The following NCK2 variants were observed in gnomAD, a reference collection of about 807,000 sequenced individuals.
NCK2 encodes cytoplasmic protein NCK2.
In NCK2, 16 loss-of-function variants were observed where a neutral mutation model predicts 33.9. The ratio of observed to expected loss-of-function variants is 0.47; its 90% confidence interval spans 0.32 to 0.72. The LOEUF (loss-of-function observed/expected upper bound fraction) is 0.72. Among genes scored for constraint, NCK2 ranks in the 30% least tolerant of loss-of-function variants. The pLI is 0.03. For synonymous variants in NCK2, 273 were observed against 239.9 expected, an observed-to-expected ratio of 1.14 and a Z score of -1.27; for missense variants, 418 against 537.3, an observed-to-expected ratio of 0.78 and a Z score of 2.19.
At chr2:105,806,405 CTT>C (rs1414768958) in intron 1 of NCK2, among the ~76,000 whole-genome samples, 1 of 151,880 alleles carries the variant, frequency 6.6e-6, no homozygotes, top group Admixed American at 6.6e-5. Flanking sequence ...GTCCGGCTAA[CTT>C]TTTGTATTTT....
chr2:105,882,141 G>A, intron 4 of NCK2, 92 bp downstream of exon 4: 3 of 1,327,722 alleles, frequency 2.3e-6, no homozygotes, highest in Non-Finnish European at 2.9e-6. Context: ...CATTGTGTGA[G>A]TACACTAGAA....
At chr2:105,862,958 C>A (rs961412753) in intron 3 of NCK2, among the ~76,000 whole-genome samples, 1 of 151,708 alleles carries the variant, frequency 6.6e-6, no homozygotes, top group African/African-American at 2.4e-5. Flanking sequence ...CTTTAAGAGG[C>A]CAGAAAGAAT....
intron 1 of NCK2, among the ~76,000 whole-genome samples, chr2:105,782,868 G>A (rs1034602974): frequency 6.6e-5 from 10 of 152,170 alleles, no homozygotes; most frequent in Non-Finnish European, 1.0e-4. Context: ...TGTCCCCAAC[G>A]CTCCCAACTG....
At chr2:105,779,098 T>C (rs1690403094) in intron 1 of NCK2, among the ~76,000 whole-genome samples, 1 of 151,998 alleles carries the variant, frequency 6.6e-6, no homozygotes, top group African/African-American at 2.4e-5. Flanking sequence ...CTTGAGGTCA[T>C]GAGTTTTTGG....
intron 3 of NCK2, among the ~76,000 whole-genome samples, chr2:105,872,276 C>A (rs1037601681): frequency 2.6e-5 from 4 of 152,322 alleles, no homozygotes; most frequent in East Asian, 3.9e-4. Flanking sequence ...CACCCGCTAC[C>A]TTCCCCCCGC....
intron 1 of NCK2, among the ~76,000 whole-genome samples, chr2:105,773,704 T>C (rs1690209933): frequency 6.6e-6 from 1 of 152,078 alleles, no homozygotes; most frequent in Non-Finnish European, 1.5e-5. Flanking sequence ...TCAACAACTA[T>C]TTGAGCACCT....
chr2:105,820,000 C>T (rs1046426129), intron 2 of NCK2, among the ~76,000 whole-genome samples: 9 of 152,200 alleles, frequency 5.9e-5, no homozygotes, highest in Admixed American at 3.3e-4. Flanking sequence ...TGGGACTGTG[C>T]TAACTGCTGT....
At chr2:105,820,969 C>T (rs996705811) in intron 2 of NCK2, among the ~76,000 whole-genome samples, 2 of 152,180 alleles carry the variant, frequency 1.3e-5, no homozygotes, top group Non-Finnish European at 2.9e-5. Context: ...CTACACACAT[C>T]TTTTCCATTT....
At chr2:105,787,610 G>T (rs1338932566) in intron 1 of NCK2, among the ~76,000 whole-genome samples, 2 of 152,138 alleles carry the variant, frequency 1.3e-5, no homozygotes, top group Non-Finnish European at 2.9e-5. Flanking sequence ...GTGGTCTTTT[G>T]TTAGGGCTGC....
intron 1 of NCK2, among the ~76,000 whole-genome samples, chr2:105,810,321 T>A (rs149842148): frequency 2.6e-5 from 4 of 151,858 alleles, no homozygotes; most frequent in South Asian, 2.1e-4. Flanking sequence ...TGTGTGTGTG[T>A]GAGAGAGAGA....
At chr2:105,857,499 T>C (rs1259468843) in intron 3 of NCK2, among the ~76,000 whole-genome samples, 1 of 152,280 alleles carries the variant, frequency 6.6e-6, no homozygotes, top group Admixed American at 6.5e-5. Context: ...TTGGCTCTTA[T>C]TCTGCCCTCT....
At chr2:105,773,365 A>G (rs144030749) in intron 1 of NCK2, among the ~76,000 whole-genome samples, 1 of 152,122 alleles carries the variant, frequency 6.6e-6, no homozygotes, top group East Asian at 1.9e-4. Context: ...GCCGTCTGGT[A>G]CACGTGCCGG....
intron 1 of NCK2, among the ~76,000 whole-genome samples, chr2:105,793,847 G>T (rs955623787): frequency 6.6e-5 from 10 of 152,118 alleles, no homozygotes; most frequent in Non-Finnish European, 1.5e-5. Flanking sequence ...TACCCCAGCT[G>T]GGGTCTGCGT....
intron 4 of NCK2, among the ~76,000 whole-genome samples, chr2:105,886,564 C>T (rs937851186): frequency 1.3e-5 from 2 of 152,310 alleles, no homozygotes; most frequent in South Asian, 2.1e-4. Flanking sequence ...AATTCTGATG[C>T]GCCAATTTGA....
At chr2:105,822,355 G>A (rs771791839) in intron 2 of NCK2, among the ~76,000 whole-genome samples, 5 of 150,370 alleles carry the variant, frequency 3.3e-5, no homozygotes, top group Middle Eastern at 3.4e-3. Context: ...GCTCAGAGTC[G>A]CCTTGTGTTG....
At chr2:105,746,081 G>T (rs1475800659) in intron 1 of NCK2, among the ~76,000 whole-genome samples, 1 of 152,130 alleles carries the variant, frequency 6.6e-6, no homozygotes, top group East Asian at 1.9e-4. Context: ...ACAGCTTCAG[G>T]GACAAAGCCG....
chr2:105,832,834 G>A (rs1676248003), intron 2 of NCK2, among the ~76,000 whole-genome samples: 2 of 146,138 alleles, frequency 1.4e-5, no homozygotes, highest in African/African-American at 2.6e-5. Flanking sequence ...GAGTTAGGAA[G>A]AATTCTCTTC....
At chr2:105,806,238 C>CTTTTT (rs56141591) in intron 1 of NCK2, among the ~76,000 whole-genome samples, 9 of 135,974 alleles carry the variant, frequency 6.6e-5, no homozygotes, top group African/African-American at 1.2e-4. Flanking sequence ...CATTTTCTTT[C>CTTTTT]TTTTTTTTTT....
intron 1 of NCK2, among the ~76,000 whole-genome samples, chr2:105,751,444 G>T (rs376058366): frequency 1.4e-4 from 21 of 152,242 alleles, no homozygotes; most frequent in African/African-American, 4.6e-4. Context: ...GCTCTCCATC[G>T]TACTTGGGTC....
Sources: allele counts gnomAD v4.1 joint callset (sites outside exome capture counted in the v4.1 genomes callset), GRCh38; gene constraint gnomAD v4.1.1; transcripts MANE v1.5; gene names NCBI Gene and HGNC (gene_info 2026-07-23, HGNC 2026-07-21).